The following PUS7 variants were observed in gnomAD, a reference collection of about 807,000 sequenced individuals.
The protein encoded by PUS7 is pseudouridine synthase 7.
In PUS7, 48 loss-of-function variants were observed where a neutral mutation model predicts 79.8. The ratio of observed to expected loss-of-function variants is 0.60; its 90% CI spans 0.48 to 0.76. The LOEUF (loss-of-function observed/expected upper bound fraction) is 0.76. PUS7 is among the 30% of genes least tolerant of loss of function. PUS7 has a pLI of 0.00. For synonymous variants in PUS7, 286 were observed against 272.2 expected (o/e 1.05, Z -0.50); for missense variants, 729 against 797.6 (o/e 0.91, Z 1.04).
intron 12 of PUS7, among the ~76,000 whole-genome samples, chr7:105,466,846 A>G (rs767779460): frequency 1.3e-5 from 2 of 152,040 alleles, no homozygotes; most frequent in Non-Finnish European, 2.9e-5. Flanking sequence ...CCAACATGGC[A>G]TGAGGAAAAG....
chr7:105,458,282 A>G (rs983067816), intron 15 of PUS7, among the ~76,000 whole-genome samples: 2 of 152,038 alleles, frequency 1.3e-5, no homozygotes, highest in Non-Finnish European at 2.9e-5. Context: ...TTTTTTTGAG[A>G]CAGAGTCTTG....
chr7:105,522,239 A>T lies in PUS7; in HGVS notation c.-220T>A, dbSNP rs1288454104. Reference sequence around the variant, plus strand: ...GACTCACCGGCGGCCGGGCTCGCACACGTGCGGCGCAGCGACGCGCCGCGG... The same window carrying T: ...GACTCACCGGCGGCCGGGCTCGCACTCGTGCGGCGCAGCGACGCGCCGCGG... On this transcript the variant is annotated 5_prime_UTR_variant, in exon 1 of 16. Coordinates refer to ENST00000469408, the MANE Select transcript of PUS7 (RefSeq NM_019042.5). 1 of 151,612 alleles carries T rather than the reference A, an allele frequency of 6.6e-6. No homozygotes were observed. Among genetic ancestry groups the T allele is most frequent in the Non-Finnish European group, 1.5e-5 (1 of 67,854 alleles). The allele number at this position is 151,612 out of a possible 1,614,324, so 9.4% of individuals were successfully genotyped here.
chr7:105,498,111 T>C (rs1825108683), intron 5 of PUS7, among the ~76,000 whole-genome samples: 1 of 152,208 alleles, frequency 6.6e-6, no homozygotes, highest in Admixed American at 6.5e-5. Flanking sequence ...GCATCTTCTA[T>C]TTAGCAAATC....
intron 1 of PUS7, among the ~76,000 whole-genome samples, chr7:105,520,351 C>T (rs1826058142): frequency 6.6e-6 from 1 of 151,830 alleles, no homozygotes; most frequent in African/African-American, 2.4e-5. Context: ...CCCAGCTACT[C>T]GGGAGGCTGA....
chr7:105,491,236 G>C (rs181057967), intron 7 of PUS7, among the ~76,000 whole-genome samples: 13 of 151,880 alleles, frequency 8.6e-5, no homozygotes, highest in Non-Finnish European at 5.9e-5. Flanking sequence ...TGTAGCTCTC[G>C]GGTGTACAAC....
chr7:105,517,166 C>CTTTT (rs1289590315), intron 1 of PUS7, among the ~76,000 whole-genome samples: 1 of 146,630 alleles, frequency 6.8e-6, no homozygotes. Context: ...CTTCACATTT[C>CTTTT]TTTTTTTGGC....
intron 6 of PUS7, 133 bp from the exon 7 acceptor site, chr7:105,491,750 CTT>C (rs1824790049): frequency 4.9e-6 from 3 of 616,364 alleles, no homozygotes; most frequent in Non-Finnish European, 8.3e-6. Flanking sequence ...TGAGGAGAAA[CTT>C]TATTTTAACA....
chr7:105,503,566 G>A (rs1562814521), intron 4 of PUS7, among the ~76,000 whole-genome samples: 1 of 151,452 alleles, frequency 6.6e-6, no homozygotes, highest in Non-Finnish European at 1.5e-5. Flanking sequence ...TTTAAGAATC[G>A]AAAAAAAATT....
At chr7:105,508,617 C>A (rs1825570023) in intron 1 of PUS7, 73 bp from the exon 2 acceptor site, 5 of 1,507,648 alleles carry the variant, frequency 3.3e-6, no homozygotes, top group Non-Finnish European at 2.6e-6. Flanking sequence ...GTGGCTCACA[C>A]CTGTAATCCC....
At chr7:105,462,870 C>A in intron 13 of PUS7, 120 bp from the exon 14 acceptor site, 1 of 929,120 alleles carries the variant, frequency 1.1e-6, no homozygotes, top group Non-Finnish European at 1.6e-6. Context: ...AATTAGTCAC[C>A]TTAATTTATA....
chr7:105,500,515 T>C, intron 5 of PUS7, among the ~76,000 whole-genome samples: 1 of 152,158 alleles, frequency 6.6e-6, no homozygotes, highest in East Asian at 1.9e-4. Flanking sequence ...AAAACAGTTT[T>C]TGCTTTTTCC....
intron 9 of PUS7, among the ~76,000 whole-genome samples, chr7:105,478,506 T>G (rs766415484): frequency 6.6e-6 from 1 of 152,252 alleles, no homozygotes; most frequent in African/African-American, 2.4e-5. Context: ...TTAGCCATCC[T>G]AGTGGGTAAG....
At chr7:105,502,715 T>C in intron 4 of PUS7, 151 bp from the exon 5 acceptor site, 1 of 921,450 alleles carries the variant, frequency 1.1e-6, no homozygotes, top group Non-Finnish European at 1.6e-6. Context: ...TTTATTTTTA[T>C]TTTTTTGACA....
chr7:105,492,737 G>A (rs2133182018), intron 6 of PUS7, among the ~76,000 whole-genome samples: 1 of 151,924 alleles, frequency 6.6e-6, no homozygotes, highest in East Asian at 1.9e-4. Flanking sequence ...TCGATCTCCT[G>A]ACCTCGTGAT....
Position 105,501,969 on chromosome 7 carries a change from AATAT to A in PUS7, c.730+447_730+450del, listed in dbSNP as rs4006346. Among the ~76,000 whole-genome samples the A allele has an allele frequency of 2.6e-3, 195 of 73,694 alleles. 7 individuals are homozygous for A. Among genetic ancestry groups the A allele is most frequent in the Non-Finnish European group, 2.9e-3 (103 of 34,962 alleles). 48.3% of individuals were successfully genotyped at this position (73,694 alleles called of 152,430 possible). A position where few individuals can be genotyped will look rare whatever the true frequency, so the allele number is the denominator to read the frequency against. On this transcript the variant is annotated intron_variant, in intron 5 of 15. Transcript: ENST00000469408. ...GACTCCGTCTCAAAAAAAAAAAAAA[AATAT>A]ATATATATATATATATATAGGGGCC...
At chr7:105,511,125 A>G (rs1325565427) in intron 1 of PUS7, among the ~76,000 whole-genome samples, 2 of 123,600 alleles carry the variant, frequency 1.6e-5, no homozygotes, top group Non-Finnish European at 3.9e-5. Context: ...TCCGCCTCCC[A>G]GGTTCACACC....
chr7:105,495,145 A>C lies in PUS7; in HGVS notation c.839T>G (p.Leu280Ter). The stretch of plus-strand genomic sequence containing the variant: ...AGGCATAACAACAGTAACTCACCTT[A>C]AGTATTTGGAGAGTACATTAATAGC... Reference protein sequence around the residue: ...MDAINVLSKYLRVKPNIFSYM... With the variant: ...MDAINVLSKY The change falls in exon 6 of 16, where the codon TTA becomes TGA. Residue 280 changes from leucine (L) to a stop codon, truncating the protein, a stop_gained. Coordinates refer to ENST00000469408, the MANE Select transcript of PUS7 (RefSeq NM_019042.5). LOFTEE classifies it high-confidence loss of function. 1.3e-6 allele frequency: 2 copies of C among 1,565,270 alleles called. No homozygotes were observed. The highest frequency in any genetic ancestry group is 1.8e-6 in the Non-Finnish European group (2 of 1,141,378).
Position 105,482,313 on chromosome 7 carries a change from T to C in PUS7, c.1048A>G (p.Arg350Gly). ...LQGNHFTVVL[R>G]NITGTDDQVQ... ...ACATTCCCACCTGCAGTTCTTTACCTGAGAACAACAGTGAAGTGGTTTCCT... is the reference window on the plus strand; with the variant it reads ...ACATTCCCACCTGCAGTTCTTTACCCGAGAACAACAGTGAAGTGGTTTCCT... Residue 350 changes from arginine (R) to glycine (G), a missense_variant and splice_region_variant, in exon 8 of 16, where the codon AGA becomes GGA. Transcript: ENST00000469408. 6.2e-7 allele frequency: 1 copy of C among 1,612,772 alleles called. No individual in the cohort carries two copies. The highest frequency in any genetic ancestry group is 8.5e-7 in the Non-Finnish European group (1 of 1,179,270).
intron 9 of PUS7, among the ~76,000 whole-genome samples, chr7:105,473,855 A>C (rs543600429): frequency 1.3e-5 from 2 of 152,242 alleles, no homozygotes; most frequent in African/African-American, 2.4e-5. Flanking sequence ...TGCCTGGCCT[A>C]TATATGCTTT....
Sources: allele counts gnomAD v4.1 joint callset (sites outside exome capture counted in the v4.1 genomes callset), GRCh38; gene constraint gnomAD v4.1.1; transcripts MANE v1.5; gene names NCBI Gene and HGNC (gene_info 2026-07-23, HGNC 2026-07-21).